Variants in TANC2 observed in about 807,000 individuals in gnomAD.
TANC2 encodes the protein protein TANC2.
In TANC2, 26 loss-of-function variants were observed where a neutral mutation model predicts 210.5. The ratio of observed to expected loss-of-function variants is 0.12; its 90% confidence interval spans 0.09 to 0.17. The LOEUF is 0.17. TANC2 is among the 10% of genes least tolerant of loss of function. The pLI is 1.00. For synonymous variants in TANC2, 931 were observed against 967.1 expected (o/e 0.96, Z 0.69); for missense variants, 2,129 against 2,608.9 (o/e 0.82, Z 4.01).
intron 7 of TANC2, among the ~76,000 whole-genome samples, chr17:63,234,411 T>C (rs946145419): frequency 6.6e-6 from 1 of 152,202 alleles, no homozygotes; most frequent in African/African-American, 2.4e-5. Flanking sequence ...ATATTTTTAA[T>C]GTAAGTAGTA....
At chr17:63,005,896 T>TGTGTG (rs377374431) in intron 1 of TANC2, among the ~76,000 whole-genome samples, 23 of 132,778 alleles carry the variant, frequency 1.7e-4, no homozygotes, top group African/African-American at 6.2e-4. Flanking sequence ...GCTGTATAGT[T>TGTGTG]TGTGTGTGTG....
intron 13 of TANC2, among the ~76,000 whole-genome samples, chr17:63,354,258 G>A (rs1178083942): frequency 6.6e-6 from 1 of 152,170 alleles, no homozygotes; most frequent in Non-Finnish European, 1.5e-5. Context: ...TGTTAGAAGT[G>A]TACCTTTCGG....
chr17:63,164,872 C>T (rs1482762829), intron 5 of TANC2, among the ~76,000 whole-genome samples: 1 of 152,218 alleles, frequency 6.6e-6, no homozygotes, highest in African/African-American at 2.4e-5. Flanking sequence ...ATCTTCTTTA[C>T]TTGGTCTACC....
chr17:63,354,230 A>G (rs76145592), intron 13 of TANC2, among the ~76,000 whole-genome samples: 175 of 152,306 alleles, frequency 1.1e-3, no homozygotes, highest in Non-Finnish European at 2.1e-3. Flanking sequence ...TCTGTTACCA[A>G]GGTGCCAAGC....
Position 63,412,568 on chromosome 17 carries a change from G to A in TANC2, c.3899-112G>A, listed in dbSNP as rs2048736774. ...ATAGACGAGGGTTGGCTGATATGCT[G>A]GCTTTGTGCTGCCTGCCTCTCACTG... is the stretch of plus-strand genomic sequence containing the variant. On this transcript the variant is annotated intron_variant, in intron 23 of 27. Coordinates refer to ENST00000689528, the Ensembl canonical transcript of TANC2. This position sits in a 1 kb window ranked among gnomAD's most constrained non-coding sequence, Gnocchi z 4.2. 1 of 1,037,240 alleles carries A rather than the reference G, an allele frequency of 9.6e-7. No homozygotes were observed. Among genetic ancestry groups the A allele is most frequent in the Non-Finnish European group, 1.4e-6 (1 of 702,078 alleles). The allele number at this position is 1,037,240 out of a possible 1,614,324, so 64.3% of individuals were successfully genotyped here.
At chr17:63,011,094 A>G (rs2033849750) in intron 2 of TANC2, among the ~76,000 whole-genome samples, 1 of 152,158 alleles carries the variant, frequency 6.6e-6, no homozygotes, top group South Asian at 2.1e-4. Context: ...GAGGCTATTC[A>G]GGAGCCCCCA....
chr17:62,970,036 A>G (rs1208582690), intron 1 of TANC2, among the ~76,000 whole-genome samples: 2 of 152,222 alleles, frequency 1.3e-5, no homozygotes, highest in East Asian at 1.9e-4. Context: ...CAATGCAGCC[A>G]ACACTTACAT....
At chr17:63,256,030 G>A (rs989042857) in intron 8 of TANC2, among the ~76,000 whole-genome samples, 4 of 149,324 alleles carry the variant, frequency 2.7e-5, no homozygotes, top group Admixed American at 6.7e-5. Context: ...CTTAGCCTCC[G>A]GAGTAGCTGG....
intron 2 of TANC2, among the ~76,000 whole-genome samples, chr17:63,066,873 A>G (rs1434465688): frequency 6.6e-6 from 1 of 152,084 alleles, no homozygotes; most frequent in Admixed American, 6.5e-5. Context: ...AGGGAAATGG[A>G]AAGTGCTGAA....
chr17:63,193,649 G>C (rs1478702826), intron 5 of TANC2, among the ~76,000 whole-genome samples: 2 of 152,136 alleles, frequency 1.3e-5, no homozygotes, highest in Non-Finnish European at 2.9e-5. Flanking sequence ...TTGTTACAAG[G>C]TGAGATTAAA....
chr17:63,160,044 T>A (rs1214872866), intron 5 of TANC2, among the ~76,000 whole-genome samples: 1 of 152,220 alleles, frequency 6.6e-6, no homozygotes, highest in Non-Finnish European at 1.5e-5. Flanking sequence ...TGTGCATGCA[T>A]GTCAGGAGAG....
chr17:63,340,502 A>G lies in TANC2; in HGVS notation c.1807+170A>G, dbSNP rs546221590. On this transcript the variant is annotated intron_variant, in intron 12 of 27. Transcript: ENST00000689528. ...CAAGAGATTTTACTTGCAAAAAAAA[A>G]AATCCAGCAGTAACTACTCCTTCCT... Among the ~76,000 whole-genome samples the G allele has an allele frequency of 3.3e-5, 5 of 152,284 alleles. No homozygotes were observed. The East Asian group carries it at 9.7e-4, about 29-fold the overall frequency.
exon 28 of TANC2, chr17:63,425,030 T>C (rs1278466062): frequency 1.3e-5 from 2 of 152,250 alleles, no homozygotes; most frequent in African/African-American, 4.8e-5. Context: ...TAACAATTAA[T>C]GTTTATTTAC....
intron 2 of TANC2, among the ~76,000 whole-genome samples, chr17:63,026,524 T>C (rs1450525153): frequency 6.6e-6 from 1 of 152,088 alleles, no homozygotes; most frequent in Non-Finnish European, 1.5e-5. Context: ...TATATAAGAT[T>C]TGTTTACTAG....
intron 7 of TANC2, among the ~76,000 whole-genome samples, chr17:63,206,743 G>T (rs1351177245): frequency 1.3e-5 from 2 of 152,094 alleles, no homozygotes; most frequent in East Asian, 3.9e-4. Context: ...GGAAGTTATT[G>T]TTTAATGGAT....
In TANC2 at chr17:63,184,836, T is replaced by C. The variant is rs527823358; in HGVS notation, c.434-9155T>C. Among the ~76,000 whole-genome samples, 19 of 151,814 alleles carry C rather than the reference T, an allele frequency of 1.3e-4. No individual in the cohort carries two copies. In the South Asian group the frequency reaches 4.0e-3, roughly 32 times the overall value. On this transcript the variant is annotated intron_variant, in intron 5 of 27. Coordinates refer to ENST00000689528, the Ensembl canonical transcript of TANC2. Reference sequence around the variant, plus strand: ...ACCCGGCTAAATTTTTTTGTATTTTTAGTAGAGATGGGATTTCGCCATGTT... The same window carrying C: ...ACCCGGCTAAATTTTTTTGTATTTTCAGTAGAGATGGGATTTCGCCATGTT...
At chr17:63,324,364 TG>T (rs2045581639) in intron 11 of TANC2, among the ~76,000 whole-genome samples, 2 of 152,332 alleles carry the variant, frequency 1.3e-5, no homozygotes, top group Non-Finnish European at 2.9e-5. Flanking sequence ...CAAATGATCA[TG>T]GTTCCTGAAA....
At chr17:63,152,631 A>G (rs1194884144) in intron 5 of TANC2, 1 of 152,154 alleles carries the variant, frequency 6.6e-6, no homozygotes, top group Non-Finnish European at 1.5e-5. Context: ...GTTTTGAGGT[A>G]TTGTCACGCT....
Position 62,985,982 on chromosome 17 carries a change from C to G in TANC2, c.-24+19233C>G, listed in dbSNP as rs935043441. 2.1e-4 allele frequency among the ~76,000 whole-genome samples: 32 copies of G among 152,194 alleles called. 1 individual carries two copies. The highest frequency in any genetic ancestry group is 2.1e-3 in the Admixed American group (32 of 15,282). On this transcript the variant is annotated intron_variant, in intron 1 of 27. Transcript: ENST00000689528. ...TATGCATCTGATTGTAAAGTCACCT[C>G]TTCCAATTTTATGGAGTAGGCTTCA... is the stretch of plus-strand genomic sequence containing the variant.
Sources: allele counts gnomAD v4.1 joint callset (sites outside exome capture counted in the v4.1 genomes callset), GRCh38; gene constraint gnomAD v4.1.1; non-coding constraint Gnocchi (gnomAD v3.1); transcripts MANE v1.5; gene names NCBI Gene and HGNC (gene_info 2026-07-23, HGNC 2026-07-21).